The following RFWD3 variants were observed in gnomAD, a reference collection of about 807,000 sequenced individuals.
RFWD3 encodes ring finger and WD repeat domain 3.
RFWD3 carries 65 observed loss-of-function variants against 87.7 expected under a neutral mutation model. The ratio of observed to expected loss-of-function variants is 0.74; its 90% CI spans 0.61 to 0.91. The LOEUF (loss-of-function observed/expected upper bound fraction) is 0.91. Among genes scored for constraint, RFWD3 ranks in the 40% least tolerant of loss-of-function variants. The pLI, the probability that RFWD3 is intolerant of heterozygous loss-of-function variation, is 0.00. For synonymous variants in RFWD3, 433 were observed against 352.8 expected, an observed-to-expected ratio of 1.23 and a Z score of -2.55; for missense variants, 1,078 against 938.5, an observed-to-expected ratio of 1.15 and a Z score of -1.94.
At chr16:74,654,256 G>T (rs772432980) in intron 2 of RFWD3, among the ~76,000 whole-genome samples, 8 of 151,986 alleles carry the variant, frequency 5.3e-5, no homozygotes, top group African/African-American at 1.7e-4. Context: ...TCTTTTAGAA[G>T]AACCAACTTT....
At chr16:74,635,393 G>A (rs1215809509) in intron 8 of RFWD3, among the ~76,000 whole-genome samples, 2 of 152,202 alleles carry the variant, frequency 1.3e-5, no homozygotes, top group East Asian at 3.9e-4. Flanking sequence ...CTTGAATCCA[G>A]GAGGCAGAGG....
At position 74,630,099 on chromosome 16, in the gene RFWD3, AT is replaced by A. The variant is rs573477294; in HGVS notation, c.1754+681del. Among the ~76,000 whole-genome samples the A allele has an allele frequency of 5.6e-3, 828 of 148,208 alleles. 4 individuals carry two copies. Among genetic ancestry groups the A allele is most frequent in the Non-Finnish European group, 8.5e-3 (570 of 66,736 alleles). ...CTTCCTATGTGCTAGACATGTGGCT[AT>A]TTTTTTTTTTCTTGAGATGGCGTCT... On this transcript the variant is annotated intron_variant, in intron 10 of 12. Transcript: ENST00000361070.
chr16:74,630,982 C>A (rs1223016145), intron 9 of RFWD3, 25 bp from the exon 10 acceptor site: 2 of 1,582,404 alleles, frequency 1.3e-6, no homozygotes, highest in South Asian at 2.3e-5. Context: ...AAGACTTTTA[C>A]AACTGCATTA....
intron 2 of RFWD3, among the ~76,000 whole-genome samples, chr16:74,652,688 T>G (rs761802969): frequency 1.2e-4 from 19 of 152,164 alleles, no homozygotes; most frequent in Non-Finnish European, 2.2e-4. Flanking sequence ...CTTAGAATGA[T>G]GAGAAGACCT....
intron 6 of RFWD3, among the ~76,000 whole-genome samples, chr16:74,640,483 T>C (rs565278049): frequency 1.3e-5 from 2 of 151,996 alleles, no homozygotes; most frequent in Admixed American, 6.6e-5. Context: ...TGAAAATTTG[T>C]ACAGAAAAAT....
In RFWD3 at chr16:74,623,024, T is replaced by G. The variant is rs1474432454; in HGVS notation, c.*904A>C. 6.6e-6 allele frequency: 1 copy of G among 152,226 alleles called. No individual in the cohort carries two copies. Among genetic ancestry groups the G allele is most frequent in the Non-Finnish European group, 1.5e-5 (1 of 68,032 alleles). The allele number at this position is 152,226 out of a possible 1,614,324, so 9.4% of individuals were successfully genotyped here. On this transcript the variant is annotated 3_prime_UTR_variant, in exon 13 of 13. Coordinates refer to ENST00000361070, the MANE Select transcript of RFWD3 (RefSeq NM_018124.4). Reference sequence around the variant, plus strand: ...GTAAATTCTCTTATGTCTTTTCTCCTGATCTCTGACACTAGGGGAGACTCA... The same window carrying G: ...GTAAATTCTCTTATGTCTTTTCTCCGGATCTCTGACACTAGGGGAGACTCA...
intron 10 of RFWD3, among the ~76,000 whole-genome samples, chr16:74,630,272 G>A (rs7203847): frequency 6.6e-6 from 1 of 152,094 alleles, no homozygotes. Flanking sequence ...ACATTTTTTT[G>A]TATTTTCAGT....
rs545103869 is a variant in RFWD3, at chr16:74,624,552, C to T, written c.2182-481G>A. On this transcript the variant is annotated intron_variant, in intron 12 of 12. Coordinates refer to ENST00000361070, the MANE Select transcript of RFWD3 (RefSeq NM_018124.4). ...CTGGGATTACAGACATCCACCACCA[C>T]GCCCGGCTAATTTTCTTGTATTTTT... is the stretch of plus-strand genomic sequence containing the variant. Among the ~76,000 whole-genome samples, 13 of 152,322 alleles carry T rather than the reference C, an allele frequency of 8.5e-5. No individual in the cohort carries two copies. In the East Asian group the frequency reaches 1.7e-3, roughly 20 times the overall value.
intron 3 of RFWD3, among the ~76,000 whole-genome samples, chr16:74,650,279 T>C (rs2144254915): frequency 6.6e-6 from 1 of 152,218 alleles, no homozygotes; most frequent in Middle Eastern, 3.4e-3. Context: ...GTATTATTTA[T>C]CTTGTTCCTC....
intron 11 of RFWD3, among the ~76,000 whole-genome samples, chr16:74,626,999 T>C (rs1159381821): frequency 1.3e-5 from 2 of 152,280 alleles, no homozygotes; most frequent in African/African-American, 2.4e-5. Flanking sequence ...AACATGTATC[T>C]GAAATTCTGC....
Position 74,632,642 on chromosome 16 carries a change from G to T in RFWD3, c.1458C>A (p.Asn486Lys). 1 of 1,614,124 alleles carries T rather than the reference G, an allele frequency of 6.2e-7. No homozygotes were observed. The highest frequency in any genetic ancestry group is 8.5e-7 in the Non-Finnish European group (1 of 1,180,012). The change falls in exon 9 of 13, where the codon AAC (asparagine) becomes AAA (lysine). Residue 486 changes from asparagine to lysine, a missense_variant. By Grantham distance (94) the Asn-to-Lys change is moderately conservative. Transcript: ENST00000361070. ...GFGVKMLSTA[N>K]MKSSQYIPMH... Reference sequence around the variant, plus strand: ...TCGGAATGTACTGACTGCTCTTCATGTTGGCAGTACTCAACATCTTAACAC... The same window carrying T: ...TCGGAATGTACTGACTGCTCTTCATTTTGGCAGTACTCAACATCTTAACAC...
chr16:74,637,315 T>A (rs1168880545), intron 7 of RFWD3, among the ~76,000 whole-genome samples: 1 of 152,068 alleles, frequency 6.6e-6, no homozygotes, highest in Non-Finnish European at 1.5e-5. Flanking sequence ...CTTGGTTGGC[T>A]ATTTAATTTT....
intron 1 of RFWD3, among the ~76,000 whole-genome samples, chr16:74,665,772 G>A (rs543735065): frequency 9.3e-5 from 14 of 151,080 alleles, no homozygotes; most frequent in African/African-American, 2.9e-4. Context: ...TTGAGATGGA[G>A]TTTCACTCTT....
At chr16:74,643,769 G>A (rs962071429) in intron 6 of RFWD3, among the ~76,000 whole-genome samples, 2 of 146,302 alleles carry the variant, frequency 1.4e-5, no homozygotes. Flanking sequence ...TCTGCCTCAC[G>A]GGTTCACGCC....
chr16:74,651,895 G>A, intron 3 of RFWD3, 25 bp downstream of exon 3: 1 of 1,609,088 alleles, frequency 6.2e-7, no homozygotes. Context: ...AGCCTTGTGA[G>A]TCCAAACCTG....
At chr16:74,626,212 A>G in intron 12 of RFWD3, 131 bp downstream of exon 12, 1 of 754,084 alleles carries the variant, frequency 1.3e-6, no homozygotes, top group Non-Finnish European at 2.3e-6. Context: ...ATATGCGGAT[A>G]TGTGGGATTA....
intron 10 of RFWD3, among the ~76,000 whole-genome samples, chr16:74,629,494 A>C (rs1959026677): frequency 6.6e-6 from 1 of 152,118 alleles, no homozygotes; most frequent in Non-Finnish European, 1.5e-5. Context: ...CCCCATCTCT[A>C]CTAAAAATAC....
At position 74,649,197 on chromosome 16, in the gene RFWD3, G is replaced by T. The variant is rs1460272665; in HGVS notation, c.727C>A (p.Leu243Ile). 3.2e-6 allele frequency: 5 copies of T among 1,559,992 alleles called. No homozygotes were observed. The highest frequency in any genetic ancestry group is 4.3e-6 in the Non-Finnish European group (5 of 1,161,490). ...TCTTGCTCTGCTGAGACACCTGCTA[G>T]TTGCTCTGCCAAGTCATTTCCAGAA... The part of the protein sequence containing the change: ...ESGAVILEEQ[L>I]AGVSAEQEVT... Residue 243 changes from leucine to isoleucine, a missense_variant, in exon 4 of 13, where the codon CTA becomes ATA. Coordinates refer to ENST00000361070, the MANE Select transcript of RFWD3 (RefSeq NM_018124.4).
chr16:74,649,202 T>C lies in RFWD3; in HGVS notation c.722A>G (p.Glu241Gly). Residue 241 changes from glutamate (E) to glycine (G), a missense_variant and splice_region_variant, in exon 4 of 13, where the codon GAG becomes GGG. Physicochemically the swap from Glu to Gly is moderately conservative, Grantham distance 98. Transcript: ENST00000361070. ...AEESGAVILE[E>G]QLAGVSAEQE... is the part of the protein sequence containing the mutation. ...CTCTGCTGAGACACCTGCTAGTTGCTCTGCCAAGTCATTTCCAGAAATGAC... is the reference window on the plus strand; with the variant it reads ...CTCTGCTGAGACACCTGCTAGTTGCCCTGCCAAGTCATTTCCAGAAATGAC... 1 of 1,557,546 alleles carries C rather than the reference T, an allele frequency of 6.4e-7. No individual in the cohort carries two copies. The highest frequency in any genetic ancestry group is 8.6e-7 in the Non-Finnish European group (1 of 1,160,466).
Sources: gnomAD v4.1 joint callset for allele counts (sites outside exome capture counted in the v4.1 genomes callset) on GRCh38, gnomAD v4.1.1 for gene constraint, MANE v1.5 for transcripts, NCBI Gene and HGNC (gene_info 2026-07-23, HGNC 2026-07-21) for gene names.